PCDHGA4: variants seen among roughly 807,000 people sequenced by gnomAD.
The protein encoded by PCDHGA4 is protocadherin gamma subfamily A, 4.
A neutral mutation model predicts 54.6 loss-of-function variants in PCDHGA4; 38 were observed. The ratio of observed to expected loss-of-function variants is 0.70; its 90% confidence interval spans 0.54 to 0.91. The LOEUF (loss-of-function observed/expected upper bound fraction) is 0.91. Ranked by LOEUF, PCDHGA4 falls within the 40% of genes least tolerant of loss-of-function variation. PCDHGA4 has a pLI of 0.00. For missense variants in PCDHGA4, 1,298 were observed against 1,220.9 expected (o/e 1.06, Z -0.94); for synonymous variants, 511 against 512.9 (o/e 1.00, Z 0.05).
intron 1 of PCDHGA4, among the ~76,000 whole-genome samples, chr5:141,465,984 T>C (rs11953841): frequency 0.18 from 27,399 of 151,848 alleles, 2,640 homozygotes; most frequent in Admixed American, 0.28. Context: ...TAGCCGGGCA[T>C]GGTGGCAGGC....
chr5:141,490,960 T>C lies in PCDHGA4; in HGVS notation c.2515-3847T>C. 1.9e-6 allele frequency: 3 copies of C among 1,613,794 alleles called. No homozygotes were observed. The highest frequency in any genetic ancestry group is 2.2e-5 in the South Asian group (2 of 91,030). On this transcript the variant is annotated intron_variant, in intron 1 of 3. Transcript: ENST00000571252. The surrounding 1 kb of genome is among the most constrained non-coding windows in gnomAD (Gnocchi z 5.4). ...GCACCCACGGCCAGACTGGGAACACTCAGCCCCCCAGCGTCTCCCTCGCTC... is the reference window on the plus strand; with the variant it reads ...GCACCCACGGCCAGACTGGGAACACCCAGCCCCCCAGCGTCTCCCTCGCTC...
At chr5:141,507,450 CAG>C (rs940460926) in intron 3 of PCDHGA4, among the ~76,000 whole-genome samples, 3 of 152,168 alleles carry the variant, frequency 2.0e-5, no homozygotes, top group African/African-American at 7.2e-5. Flanking sequence ...GACGGAAGGA[CAG>C]AGAGAGAGGT....
rs561817609 is a variant in PCDHGA4, at chr5:141,496,904, G to A, written c.2573+2039G>A. Among the ~76,000 whole-genome samples, 12 of 137,476 alleles carry A rather than the reference G, an allele frequency of 8.7e-5. 1 individual carries two copies. The South Asian group carries it at 2.0e-3, about 23-fold the overall frequency. The allele number at this position is 137,476 out of a possible 152,430, so 90.2% of individuals were successfully genotyped here. On this transcript the variant is annotated intron_variant, in intron 2 of 3. Transcript: ENST00000571252. ...AGTAACACTTAAAAAAAAAAAAAAA[G>A]GCTGGGCACTGTGGTTCACGCCTGT...
intron 1 of PCDHGA4, chr5:141,404,048 ATTC>A (rs1247713760): frequency 1.9e-6 from 3 of 1,613,866 alleles, no homozygotes; most frequent in South Asian, 1.1e-5. Flanking sequence ...GGGAACAGTA[ATTC>A]TTCTTTTCAA....
In PCDHGA4 at chr5:141,487,694, AC is replaced by A. The variant is rs1296386169; in HGVS notation, c.2515-7112del. On this transcript the variant is annotated intron_variant, in intron 1 of 3. Coordinates refer to ENST00000571252, the MANE Select transcript of PCDHGA4 (RefSeq NM_018917.4). The surrounding 1 kb of genome is among the most constrained non-coding windows in gnomAD (Gnocchi z 5.0). ...ATGGCTAGGCCATGTCCTAGAGAGT[AC>A]TGGCCTCTCAGTAAGTGCCCATAGT... is the stretch of plus-strand genomic sequence containing the variant. The A allele has an allele frequency of 6.2e-7, 1 of 1,602,048 alleles. No individual in the cohort carries two copies. The highest frequency in any genetic ancestry group is 2.2e-5 in the East Asian group (1 of 44,642).
rs558944208 is a variant in PCDHGA4, at chr5:141,478,187, A to G, written c.2515-16620A>G. On this transcript the variant is annotated intron_variant, in intron 1 of 3. Coordinates refer to ENST00000571252, the MANE Select transcript of PCDHGA4 (RefSeq NM_018917.4). ...CCCCCGGGAGCAGAAAAAAAATCTC[A>G]CCTTTTATCTACTTCTTTCTCTAAT... is the stretch of plus-strand genomic sequence containing the variant. The G allele has an allele frequency of 2.9e-5, 46 of 1,613,548 alleles. No individual in the cohort carries two copies. The highest frequency in any genetic ancestry group is 3.9e-5 in the Non-Finnish European group (46 of 1,179,954).
At chr5:141,453,185 C>T (rs2098757478) in intron 1 of PCDHGA4, among the ~76,000 whole-genome samples, 1 of 152,146 alleles carries the variant, frequency 6.6e-6, no homozygotes, top group South Asian at 2.1e-4. Flanking sequence ...ACAATCACAG[C>T]TCACTGCAGC....
intron 1 of PCDHGA4, chr5:141,404,094 A>C: frequency 6.2e-7 from 1 of 1,613,620 alleles, no homozygotes; most frequent in South Asian, 1.1e-5. Context: ...AAGAATGGTC[A>C]AGTTGTCTGT....
intron 1 of PCDHGA4, chr5:141,362,185 C>G: frequency 6.2e-7 from 1 of 1,614,022 alleles, no homozygotes. Context: ...GCCCTCTGAC[C>G]CCCAGGCAAA....
chr5:141,369,925 G>C (rs376465013), intron 1 of PCDHGA4, among the ~76,000 whole-genome samples: 2 of 152,186 alleles, frequency 1.3e-5, no homozygotes, highest in African/African-American at 2.4e-5. Flanking sequence ...AACTAAAAAC[G>C]TGACGGGATT....
chr5:141,361,093 G>A (rs1160500738), intron 1 of PCDHGA4: 2 of 1,613,846 alleles, frequency 1.2e-6, no homozygotes, highest in East Asian at 2.2e-5. Context: ...TCTGAGTATC[G>A]AAGCAAAAGA....
chr5:141,421,426 A>G, intron 1 of PCDHGA4: 2 of 1,614,104 alleles, frequency 1.2e-6, no homozygotes, highest in South Asian at 1.1e-5. Context: ...CGGAGTCCGC[A>G]TCGTCTCCAG....
chr5:141,405,165 C>T (rs745998723), intron 1 of PCDHGA4: 1 of 1,614,096 alleles, frequency 6.2e-7, no homozygotes, highest in Admixed American at 1.7e-5. Flanking sequence ...GTGCCCACCT[C>T]ACACTTTGTG....
chr5:141,487,591 C>T lies in PCDHGA4; in HGVS notation c.2515-7216C>T. 8 of 1,614,176 alleles carry T rather than the reference C, an allele frequency of 5.0e-6. No homozygotes were observed. The highest frequency in any genetic ancestry group is 6.8e-6 in the Non-Finnish European group (8 of 1,180,036). On this transcript the variant is annotated intron_variant, in intron 1 of 3. Coordinates refer to ENST00000571252, the MANE Select transcript of PCDHGA4 (RefSeq NM_018917.4). The surrounding 1 kb of genome is among the most constrained non-coding windows in gnomAD (Gnocchi z 5.0). ...AGCCTGTTCGCCCAAGCTGCCCACC[C>T]TCTGATCTTCTCTATGGGCTAGAGG...
Position 141,477,656 on chromosome 5 carries a change from C to T in PCDHGA4, c.2515-17151C>T, listed in dbSNP as rs755621234. The T allele has an allele frequency of 1.9e-6, 3 of 1,614,184 alleles. No homozygotes were observed. The South Asian group carries it at 3.3e-5, about 18-fold the overall frequency. ...AGTGGGTCGCTATTTCACAATAAATCGTGACAATGGCATAGTGTCATCCTT... is the reference window on the plus strand; with the variant it reads ...AGTGGGTCGCTATTTCACAATAAATTGTGACAATGGCATAGTGTCATCCTT... On this transcript the variant is annotated intron_variant, in intron 1 of 3. Transcript: ENST00000571252. The surrounding 1 kb of genome is among the most constrained non-coding windows in gnomAD (Gnocchi z 4.9).
At chr5:141,467,208 A>G (rs1272958649) in intron 1 of PCDHGA4, among the ~76,000 whole-genome samples, 1 of 152,064 alleles carries the variant, frequency 6.6e-6, no homozygotes, top group East Asian at 1.9e-4. Flanking sequence ...ACATGCCACC[A>G]TGCCTGGCTA....
Position 141,491,755 on chromosome 5 carries a change from G to A in PCDHGA4, c.2515-3052G>A. On this transcript the variant is annotated intron_variant, in intron 1 of 3. Transcript: ENST00000571252. This position sits in a 1 kb window ranked among gnomAD's most constrained non-coding sequence, Gnocchi z 6.9. Reference sequence around the variant, plus strand: ...CCCTGGGGGCGGCACTGGAGAAGCCGCCCGTCCTCATAAGGGATTGAACTT... The same window carrying A: ...CCCTGGGGGCGGCACTGGAGAAGCCACCCGTCCTCATAAGGGATTGAACTT... 6 of 1,582,196 alleles carry A rather than the reference G, an allele frequency of 3.8e-6. No individual in the cohort carries two copies. The highest frequency in any genetic ancestry group is 5.1e-6 in the Non-Finnish European group (6 of 1,165,450).
intron 1 of PCDHGA4, chr5:141,365,344 G>A: frequency 6.2e-7 from 1 of 1,613,966 alleles, no homozygotes; most frequent in South Asian, 1.1e-5. Context: ...TCACAGTACA[G>A]GACGTGAATG....
chr5:141,360,907 G>T, intron 1 of PCDHGA4: 1 of 1,613,998 alleles, frequency 6.2e-7, no homozygotes, highest in Non-Finnish European at 8.5e-7. Context: ...CGTGCCGCCG[G>T]GCTTCTTTGT....
Sources: gnomAD v4.1 joint callset for allele counts (sites outside exome capture counted in the v4.1 genomes callset) on GRCh38, gnomAD v4.1.1 for gene constraint, Gnocchi (gnomAD v3.1) non-coding constraint, MANE v1.5 for transcripts, NCBI Gene and HGNC (gene_info 2026-07-23, HGNC 2026-07-21) for gene names.